The following PRKN variants were observed in gnomAD, a reference collection of about 807,000 sequenced individuals.
PRKN encodes E3 ubiquitin-protein ligase parkin.
A neutral mutation model predicts 59.5 loss-of-function variants in PRKN; 56 were observed. The observed-to-expected ratio is 0.94, with a 90% CI of 0.76 to 1.18. The LOEUF is 1.18. PRKN is among the 50% of genes most tolerant of loss of function. The pLI is 0.00. For synonymous variants in PRKN, 250 were observed against 222.1 expected (o/e 1.13, Z -1.12); for missense variants, 657 against 596.4 (o/e 1.10, Z -1.06).
At chr6:162,292,765 G>A (rs1781500037) in intron 2 of PRKN, among the ~76,000 whole-genome samples, 1 of 152,168 alleles carries the variant, frequency 6.6e-6, no homozygotes, top group Non-Finnish European at 1.5e-5. Flanking sequence ...TAGTGATGGA[G>A]ATGGGGAGGG....
intron 7 of PRKN, among the ~76,000 whole-genome samples, chr6:161,669,087 G>T (rs1288134990): frequency 2.0e-4 from 30 of 152,124 alleles, no homozygotes; most frequent in Admixed American, 2.0e-3. Flanking sequence ...TATAGAAGAG[G>T]CCTGAGAGAG....
rs150304663 is a variant in PRKN at position 161,364,879 on chromosome 6, C to T, written c.1168-4674G>A. ...CTGGGAGGTGGAGGTTGCAGTGAGC[C>T]GAGATGGTGCCAGTACACTCCAGCC... On this transcript the variant is annotated intron_variant, in intron 10 of 11. Transcript: ENST00000366898. Among the ~76,000 whole-genome samples the T allele has an allele frequency of 6.7e-3, 1,014 of 150,550 alleles. 15 individuals are homozygous for T. Among genetic ancestry groups the T allele is most frequent in the African/African-American group, 0.024 (964 of 40,814 alleles).
At chr6:161,722,336 A>G (rs981443083) in intron 7 of PRKN, among the ~76,000 whole-genome samples, 1 of 152,204 alleles carries the variant, frequency 6.6e-6, no homozygotes, top group African/African-American at 2.4e-5. Flanking sequence ...CATTGTACTT[A>G]GTATATTTCA....
intron 7 of PRKN, among the ~76,000 whole-genome samples, chr6:161,587,616 AT>A (rs1781565191): frequency 6.6e-6 from 1 of 152,128 alleles, no homozygotes; most frequent in African/African-American, 2.4e-5. Flanking sequence ...CTATTTAAAG[AT>A]GAGTTTCATT....
chr6:161,471,778 C>T lies in PRKN; in HGVS notation c.1083+77076G>A, dbSNP rs961611026. On this transcript the variant is annotated intron_variant, in intron 9 of 11. Transcript: ENST00000366898. This position sits in a 1 kb window ranked among gnomAD's most constrained non-coding sequence, Gnocchi z 4.5. ...ATTGGCTGTGGGAGTTATAGCTTAA[C>T]AGAACATGTGTCATAAAGATAATTA... Among the ~76,000 whole-genome samples the T allele has an allele frequency of 3.3e-5, 5 of 152,086 alleles. No homozygotes were observed. The highest frequency in any genetic ancestry group is 2.0e-4 in the Admixed American group (3 of 15,280).
At chr6:162,505,546 G>A (rs994402806) in intron 1 of PRKN, among the ~76,000 whole-genome samples, 12 of 152,126 alleles carry the variant, frequency 7.9e-5, no homozygotes, top group African/African-American at 2.9e-4. Flanking sequence ...GTCAGGTTGA[G>A]AGCAGTTATA....
intron 1 of PRKN, among the ~76,000 whole-genome samples, chr6:162,649,807 T>G (rs1778348159): frequency 6.6e-6 from 1 of 152,132 alleles, no homozygotes; most frequent in Non-Finnish European, 1.5e-5. Flanking sequence ...GTAAAGTAAG[T>G]GATTAAGCCG....
At chr6:162,601,801 T>C (rs945796030) in intron 1 of PRKN, among the ~76,000 whole-genome samples, 10 of 152,192 alleles carry the variant, frequency 6.6e-5, no homozygotes, top group African/African-American at 7.2e-5. Flanking sequence ...GATTTTACTA[T>C]ACATATTGCA....
intron 2 of PRKN, among the ~76,000 whole-genome samples, chr6:162,265,361 A>G (rs1780081173): frequency 6.6e-6 from 1 of 152,144 alleles, no homozygotes; most frequent in Non-Finnish European, 1.5e-5. Context: ...TGGTTGAACC[A>G]GGGCCTTATA....
intron 2 of PRKN, among the ~76,000 whole-genome samples, chr6:162,380,122 G>A (rs376414509): frequency 6.6e-6 from 1 of 152,008 alleles, no homozygotes; most frequent in East Asian, 1.9e-4. Context: ...ACTTTATCGA[G>A]TACCTTCCAT....
rs571902407 is a variant in PRKN at position 161,369,681 on chromosome 6, G to A, written c.1168-9476C>T. Reference sequence around the variant, plus strand: ...CATGTGTGTACGCACGCGTGGTGGAGGTGGGGGTGGAACAGGACAAGTCTC... The same window carrying A: ...CATGTGTGTACGCACGCGTGGTGGAAGTGGGGGTGGAACAGGACAAGTCTC... On this transcript the variant is annotated intron_variant, in intron 10 of 11. Coordinates refer to ENST00000366898, the MANE Select transcript of PRKN (RefSeq NM_004562.3). This position sits in a 1 kb window ranked among gnomAD's most constrained non-coding sequence, Gnocchi z 5.8. Among the ~76,000 whole-genome samples, 141 of 152,190 alleles carry A rather than the reference G, an allele frequency of 9.3e-4. No individual in the cohort carries two copies. The highest frequency in any genetic ancestry group is 1.6e-3 in the Non-Finnish European group (107 of 68,014).
Position 161,463,814 on chromosome 6 carries a change from C to T in PRKN, c.1084-76937G>A, listed in dbSNP as rs1790323369. ...GTGATCACTTTTCCAACATTTCCAT[C>T]CAAATTTTGGAAGCACCTAAATCCA... On this transcript the variant is annotated intron_variant, in intron 9 of 11. Coordinates refer to ENST00000366898, the MANE Select transcript of PRKN (RefSeq NM_004562.3). The surrounding 1 kb of genome is among the most constrained non-coding windows in gnomAD (Gnocchi z 4.8). Among the ~76,000 whole-genome samples the T allele has an allele frequency of 6.6e-6, 1 of 152,124 alleles. No individual in the cohort carries two copies. The highest frequency in any genetic ancestry group is 1.5e-5 in the Non-Finnish European group (1 of 68,028).
intron 10 of PRKN, among the ~76,000 whole-genome samples, chr6:161,384,763 G>C (rs4467758): frequency 6.6e-6 from 1 of 152,124 alleles, no homozygotes; most frequent in Non-Finnish European, 1.5e-5. Flanking sequence ...GACCAACTCT[G>C]ACCCATCTTC....
In PRKN at chr6:161,417,087, C is replaced by T. The variant is rs1787885680; in HGVS notation, c.1084-30210G>A. 6.6e-6 allele frequency among the ~76,000 whole-genome samples: 1 copy of T among 152,144 alleles called. No individual in the cohort carries two copies. The highest frequency in any genetic ancestry group is 1.5e-5 in the Non-Finnish European group (1 of 68,034). Reference sequence around the variant, plus strand: ...CCCTCATTCAAGCTCCAGACCTGGGCCAAGAGCAAGAAGAGAGCTTGCTTG... The same window carrying T: ...CCCTCATTCAAGCTCCAGACCTGGGTCAAGAGCAAGAAGAGAGCTTGCTTG... On this transcript the variant is annotated intron_variant, in intron 9 of 11. Transcript: ENST00000366898. This position sits in a 1 kb window ranked among gnomAD's most constrained non-coding sequence, Gnocchi z 5.4.
chr6:161,522,827 C>T (rs1476734916), intron 9 of PRKN, among the ~76,000 whole-genome samples: 15 of 152,136 alleles, frequency 9.9e-5, no homozygotes. Context: ...TATCTCAATC[C>T]CATCACAAAG....
chr6:162,271,357 G>C (rs1252273705), intron 2 of PRKN: 2 of 151,984 alleles, frequency 1.3e-5, no homozygotes, highest in Non-Finnish European at 2.9e-5. Context: ...GGCCAATGTA[G>C]TGAAACCCGT....
intron 2 of PRKN, among the ~76,000 whole-genome samples, chr6:162,418,239 A>G (rs1158860869): frequency 6.6e-6 from 1 of 152,212 alleles, no homozygotes; most frequent in Non-Finnish European, 1.5e-5. Flanking sequence ...TACTAAGTGA[A>G]AGAAGGCAAT....
At chr6:162,499,169 A>G (rs2128187375) in intron 1 of PRKN, among the ~76,000 whole-genome samples, 1 of 151,584 alleles carries the variant, frequency 6.6e-6, no homozygotes, top group East Asian at 1.9e-4. Flanking sequence ...CCCTACTTCC[A>G]CCCTTTATTG....
chr6:161,985,699 T>C (rs955027088), intron 5 of PRKN, among the ~76,000 whole-genome samples: 2 of 152,226 alleles, frequency 1.3e-5, no homozygotes, highest in Non-Finnish European at 2.9e-5. Context: ...TCTGGGTTAA[T>C]TATCTTCCAG....
Sources: gnomAD v4.1 joint callset for allele counts (sites outside exome capture counted in the v4.1 genomes callset) on GRCh38, gnomAD v4.1.1 for gene constraint, Gnocchi (gnomAD v3.1) non-coding constraint, MANE v1.5 for transcripts, NCBI Gene and HGNC (gene_info 2026-07-23, HGNC 2026-07-21) for gene names.